Variants in VEPH1 observed in about 807,000 individuals in gnomAD.
VEPH1 encodes the protein ventricular zone expressed PH domain containing 1.
A neutral mutation model predicts 85.2 loss-of-function variants in VEPH1; 80 were observed. The observed-to-expected ratio is 0.94, with a 90% CI of 0.78 to 1.13. VEPH1 has a LOEUF of 1.13. Ranked by LOEUF, VEPH1 falls within the 50% of genes most tolerant of loss-of-function variation. The pLI is 0.00. For synonymous variants in VEPH1, 297 were observed against 348.0 expected, an observed-to-expected ratio of 0.85 and a Z score of 1.63; for missense variants, 955 against 980.5, an observed-to-expected ratio of 0.97 and a Z score of 0.35.
intron 4 of VEPH1, among the ~76,000 whole-genome samples, chr3:157,453,050 G>T (rs535839532): frequency 6.6e-6 from 1 of 152,304 alleles, no homozygotes; most frequent in South Asian, 2.1e-4. Flanking sequence ...AAATGTTCAT[G>T]TGGCCTGTGT....
chr3:157,302,634 C>T lies in VEPH1; in HGVS notation c.2010+10987G>A, dbSNP rs114985196. On this transcript the variant is annotated intron_variant, in intron 11 of 13. Coordinates refer to ENST00000362010, the MANE Select transcript of VEPH1 (RefSeq NM_001167912.2). ...TCCCAGCCTCCAGAACTGTAAGAAA[C>T]ATTTTTGTTGTTTATAAGCACCCAG... Among the ~76,000 whole-genome samples, 735 of 152,332 alleles carry T rather than the reference C, an allele frequency of 4.8e-3. 3 individuals carry two copies. Among genetic ancestry groups the T allele is most frequent in the Admixed American group, 9.0e-3 (137 of 15,304 alleles).
At chr3:157,265,709 A>C in intron 12 of VEPH1, 47 bp from the exon 13 acceptor site, 2 of 1,599,002 alleles carry the variant, frequency 1.3e-6, no homozygotes, top group East Asian at 2.2e-5. Flanking sequence ...TCCAATATTT[A>C]CTAGGTAGGT....
At chr3:157,460,477 C>A in intron 3 of VEPH1, 122 bp from the exon 4 acceptor site, 1 of 1,255,512 alleles carries the variant, frequency 8.0e-7, no homozygotes, top group Non-Finnish European at 1.1e-6. Flanking sequence ...AAAACACAGG[C>A]CTTGCCCTGT....
chr3:157,407,656 G>A (rs1308830276), intron 6 of VEPH1, among the ~76,000 whole-genome samples: 2 of 152,106 alleles, frequency 1.3e-5, no homozygotes, highest in African/African-American at 4.8e-5. Flanking sequence ...GCTTTCCTTG[G>A]AGAAGCAGAG....
chr3:157,286,782 C>A, intron 11 of VEPH1, 108 bp from the exon 12 acceptor site: 1 of 897,334 alleles, frequency 1.1e-6, no homozygotes, highest in Non-Finnish European at 1.8e-6. Flanking sequence ...TGCTCAATCT[C>A]AGTACTAAAG....
At chr3:157,411,628 T>A (rs1731538707) in intron 6 of VEPH1, among the ~76,000 whole-genome samples, 1 of 152,186 alleles carries the variant, frequency 6.6e-6, no homozygotes, top group South Asian at 2.1e-4. Context: ...TAAAAGCTCC[T>A]CACGTAATCC....
At position 157,340,139 on chromosome 3, in the gene VEPH1, C is replaced by G. The variant is rs537810054; in HGVS notation, c.1736-22938G>C. Among the ~76,000 whole-genome samples the G allele has an allele frequency of 4.6e-5, 7 of 152,232 alleles. No homozygotes were observed. The East Asian group carries it at 1.4e-3, about 29-fold the overall frequency. ...ATTTCTGCATTTCCAACTGAGGTAC[C>G]AGGTTCATCTCACTGGGGCTTGTCA... On this transcript the variant is annotated intron_variant, in intron 9 of 13. Coordinates refer to ENST00000362010, the MANE Select transcript of VEPH1 (RefSeq NM_001167912.2).
intron 7 of VEPH1, among the ~76,000 whole-genome samples, chr3:157,375,224 T>C (rs1727952968): frequency 2.6e-5 from 4 of 152,244 alleles, no homozygotes; most frequent in Admixed American, 2.6e-4. Flanking sequence ...TGATCAGGCC[T>C]ACATATGCAG....
chr3:157,488,791 T>C (rs1056905316), intron 2 of VEPH1, among the ~76,000 whole-genome samples: 3 of 152,022 alleles, frequency 2.0e-5, no homozygotes, highest in Non-Finnish European at 4.4e-5. Context: ...CTCGTGATTC[T>C]TCCTACACTC....
intron 7 of VEPH1, among the ~76,000 whole-genome samples, chr3:157,374,571 T>C (rs1727883924): frequency 6.6e-6 from 1 of 152,184 alleles, no homozygotes; most frequent in Non-Finnish European, 1.5e-5. Flanking sequence ...GCTCTTCAAG[T>C]CTGTGGAAGA....
chr3:157,480,772 T>A (rs931094077), intron 2 of VEPH1, among the ~76,000 whole-genome samples: 2 of 152,172 alleles, frequency 1.3e-5, no homozygotes, highest in Non-Finnish European at 2.9e-5. Context: ...ACTGCATATG[T>A]CTTTCTGGTA....
At chr3:157,399,310 A>G (rs1312380583) in intron 6 of VEPH1, among the ~76,000 whole-genome samples, 1 of 152,218 alleles carries the variant, frequency 6.6e-6, no homozygotes, top group Admixed American at 6.5e-5. Flanking sequence ...CCTAGAATTG[A>G]AATATCTTCA....
At chr3:157,309,239 T>C (rs890981933) in intron 11 of VEPH1, among the ~76,000 whole-genome samples, 2 of 152,170 alleles carry the variant, frequency 1.3e-5, no homozygotes, top group African/African-American at 4.8e-5. Flanking sequence ...TACTAAATTA[T>C]AAAGATTATA....
chr3:157,329,879 G>C (rs1722321808), intron 9 of VEPH1, among the ~76,000 whole-genome samples: 1 of 152,116 alleles, frequency 6.6e-6, no homozygotes, highest in Non-Finnish European at 1.5e-5. Flanking sequence ...TGGTCCACAG[G>C]GTAGCATGAA....
rs1166286011 is a variant in VEPH1, at chr3:157,364,322, T to C, written c.1318A>G (p.Lys440Glu). ...SLGQVSKEER[K>E]NIRFNRSKSL... is the part of the protein sequence containing the mutation. ...TTATACCTGTTAAATCTAATGTTTT[T>C]TCTTTCTTCTTTAGAAACTTGGCCC... The change falls in exon 8 of 14, where the codon AAA (lysine) becomes GAA (glutamate). Residue 440 changes from lysine to glutamate, a missense_variant. Transcript: ENST00000362010. 3 of 1,612,258 alleles carry C rather than the reference T, an allele frequency of 1.9e-6. No individual in the cohort carries two copies. The highest frequency in any genetic ancestry group is 4.5e-5 in the East Asian group (2 of 44,830).
chr3:157,483,141 C>T (rs1247502930), intron 2 of VEPH1, among the ~76,000 whole-genome samples: 1 of 151,812 alleles, frequency 6.6e-6, no homozygotes, highest in African/African-American at 2.4e-5. Flanking sequence ...CACACACACA[C>T]ACACACACAC....
intron 6 of VEPH1, among the ~76,000 whole-genome samples, chr3:157,403,625 A>T (rs1730929100): frequency 6.6e-6 from 1 of 152,176 alleles, no homozygotes; most frequent in Non-Finnish European, 1.5e-5. Context: ...CCTTGCATAC[A>T]GCAGGTGTGT....
intron 2 of VEPH1, among the ~76,000 whole-genome samples, chr3:157,487,688 T>A (rs1327282199): frequency 1.3e-5 from 2 of 152,126 alleles, no homozygotes; most frequent in African/African-American, 2.4e-5. Flanking sequence ...GCAAATCAAA[T>A]TTTAAAATGC....
At chr3:157,311,056 A>G (rs746566274) in intron 11 of VEPH1, among the ~76,000 whole-genome samples, 1 of 152,224 alleles carries the variant, frequency 6.6e-6, no homozygotes, top group Non-Finnish European at 1.5e-5. Flanking sequence ...AACTTCTTCA[A>G]TTGATATGTA....
Sources: allele counts gnomAD v4.1 joint callset (sites outside exome capture counted in the v4.1 genomes callset), GRCh38; gene constraint gnomAD v4.1.1; transcripts MANE v1.5; gene names NCBI Gene and HGNC (gene_info 2026-07-23, HGNC 2026-07-21).